Variants in UTRN observed in about 807,000 individuals in gnomAD.
The protein encoded by UTRN is utrophin.
Under a neutral mutation model 463.9 loss-of-function variants are expected in UTRN, and 283 were observed. That is an observed-to-expected ratio of 0.61 (90% CI 0.55 to 0.67). UTRN has a LOEUF of 0.67. Ranked by LOEUF, UTRN falls within the 30% of genes least tolerant of loss-of-function variation. The pLI, the probability that UTRN is intolerant of heterozygous loss-of-function variation, is 0.00. For synonymous variants in UTRN, 1,442 were observed against 1,431.5 expected (o/e 1.01, Z -0.17); for missense variants, 3,922 against 4,084.3 (o/e 0.96, Z 1.08).
intron 51 of UTRN, among the ~76,000 whole-genome samples, chr6:144,600,841 A>G (rs13191597): frequency 0.16 from 23,882 of 152,150 alleles, 2,106 homozygotes; most frequent in South Asian, 0.28. Context: ...TCAGTGCTTA[A>G]CTTCGAAGCT....
chr6:144,368,296 A>G (rs1324191102), intron 2 of UTRN, among the ~76,000 whole-genome samples: 3 of 152,204 alleles, frequency 2.0e-5, no homozygotes, highest in South Asian at 2.1e-4. Context: ...ACATATATCA[A>G]ACCAGAAAGA....
At chr6:144,566,993 A>C (rs1323317055) in intron 50 of UTRN, among the ~76,000 whole-genome samples, 1 of 152,030 alleles carries the variant, frequency 6.6e-6, no homozygotes, top group Non-Finnish European at 1.5e-5. Flanking sequence ...CAAAAAATAC[A>C]AAAATCAGCT....
At chr6:144,349,078 G>A (rs545804006) in intron 2 of UTRN, among the ~76,000 whole-genome samples, 1 of 152,060 alleles carries the variant, frequency 6.6e-6, no homozygotes, top group Non-Finnish European at 1.5e-5. Context: ...ATGGGATCTC[G>A]GCTCACTGCA....
At chr6:144,833,831 G>A (rs1024659341) in intron 69 of UTRN, among the ~76,000 whole-genome samples, 5 of 152,152 alleles carry the variant, frequency 3.3e-5, no homozygotes, top group Non-Finnish European at 7.3e-5. Context: ...AACACAGCTA[G>A]GTTTAGGGTG....
intron 51 of UTRN, among the ~76,000 whole-genome samples, chr6:144,663,397 G>A (rs139184870): frequency 1.5e-3 from 226 of 152,214 alleles, no homozygotes; most frequent in African/African-American, 5.1e-3. Context: ...TATTTGCCAC[G>A]CTGATTTTAA....
chr6:144,606,745 A>G (rs1804888796), intron 51 of UTRN, among the ~76,000 whole-genome samples: 1 of 152,238 alleles, frequency 6.6e-6, no homozygotes, highest in Non-Finnish European at 1.5e-5. Context: ...ACATTTTCCT[A>G]AAATCTCATT....
At chr6:144,635,828 C>T (rs557868165) in intron 51 of UTRN, among the ~76,000 whole-genome samples, 296 of 152,048 alleles carry the variant, frequency 1.9e-3, no homozygotes, top group African/African-American at 6.7e-3. Flanking sequence ...TGTGAGCCAT[C>T]GTGCCCAGCC....
At chr6:144,397,551 C>T (rs943340055) in intron 2 of UTRN, among the ~76,000 whole-genome samples, 3 of 152,070 alleles carry the variant, frequency 2.0e-5, no homozygotes, top group Admixed American at 6.6e-5. Flanking sequence ...ATTGTCTTAG[C>T]CTTATTTTGA....
intron 3 of UTRN, among the ~76,000 whole-genome samples, chr6:144,417,466 GAAAT>G (rs1295694923): frequency 6.6e-6 from 1 of 152,078 alleles, no homozygotes; most frequent in East Asian, 1.9e-4. Flanking sequence ...CTATTATAAG[GAAAT>G]AAATAATACA....
intron 51 of UTRN, among the ~76,000 whole-genome samples, chr6:144,654,215 A>G (rs1439673880): frequency 1.3e-5 from 2 of 152,238 alleles, no homozygotes; most frequent in Admixed American, 6.5e-5. Context: ...CAGAGAATGC[A>G]GAATGGGTTC....
intron 52 of UTRN, among the ~76,000 whole-genome samples, chr6:144,697,546 G>A (rs1440911305): frequency 6.6e-6 from 1 of 152,090 alleles, no homozygotes; most frequent in African/African-American, 2.4e-5. Flanking sequence ...TGAGCATATG[G>A]TAGTAATCCA....
Position 144,482,266 on chromosome 6 carries a change from A to T in UTRN, c.3565A>T (p.Ile1189Phe), listed in dbSNP as rs936888603. The T allele has an allele frequency of 1.6e-5, 26 of 1,608,392 alleles. No individual in the cohort carries two copies. The highest frequency in any genetic ancestry group is 3.3e-4 in the Middle Eastern group (2 of 6,064). Reference sequence around the variant, plus strand: ...GAGAGTGAAGATTCTCAAGGACAACATCAAGTTATTAGCTGCCAAGGTGCC... The same window carrying T: ...GAGAGTGAAGATTCTCAAGGACAACTTCAAGTTATTAGCTGCCAAGGTGCC... ...EVRVKILKDN[I>F]KLLAAKVPSG... is the part of the protein sequence containing the mutation. The change falls in exon 27 of 75, where the codon ATC (isoleucine) becomes TTC (phenylalanine). Residue 1189 changes from isoleucine (I) to phenylalanine (F), a missense_variant. By Grantham distance (21) the Ile-to-Phe change is conservative (BLOSUM62 0). Coordinates refer to ENST00000367545, the MANE Select transcript of UTRN (RefSeq NM_007124.3).
intron 4 of UTRN, among the ~76,000 whole-genome samples, chr6:144,422,995 G>A (rs1230433068): frequency 6.6e-6 from 1 of 152,200 alleles, no homozygotes; most frequent in Admixed American, 6.5e-5. Context: ...TCTTTCCCCA[G>A]ATGGGAATTC....
chr6:144,292,411 T>C (rs1804323635), intron 2 of UTRN, among the ~76,000 whole-genome samples: 1 of 152,204 alleles, frequency 6.6e-6, no homozygotes, highest in Non-Finnish European at 1.5e-5. Flanking sequence ...GGTAATCTAA[T>C]AAACCAGACT....
At chr6:144,637,028 A>G (rs115675432) in intron 51 of UTRN, among the ~76,000 whole-genome samples, 3,635 of 152,218 alleles carry the variant, frequency 0.024, 137 homozygotes, top group African/African-American at 0.075. Context: ...AAGTGCAGTG[A>G]TGTGATCTTG....
intron 2 of UTRN, among the ~76,000 whole-genome samples, chr6:144,341,530 A>G (rs1777139097): frequency 6.6e-6 from 1 of 152,176 alleles, no homozygotes; most frequent in African/African-American, 2.4e-5. Flanking sequence ...GGAAGGAGAA[A>G]TTGTTGCTAG....
At chr6:144,726,176 C>G (rs1280351480) in intron 53 of UTRN, among the ~76,000 whole-genome samples, 1 of 152,100 alleles carries the variant, frequency 6.6e-6, no homozygotes, top group Non-Finnish European at 1.5e-5. Context: ...GACAATACCC[C>G]CCAACTTGTC....
chr6:144,710,531 A>G (rs1048409690), intron 53 of UTRN, among the ~76,000 whole-genome samples: 2 of 150,776 alleles, frequency 1.3e-5, no homozygotes, highest in Admixed American at 1.4e-4. Context: ...TCCTTAATTA[A>G]ATGTGCGTAC....
chr6:144,819,449 C>T (rs1278145647), intron 65 of UTRN, among the ~76,000 whole-genome samples: 1 of 151,992 alleles, frequency 6.6e-6, no homozygotes, highest in East Asian at 1.9e-4. Context: ...AATCCCAGCA[C>T]TTTGGGAATC....
Sources: gnomAD v4.1 joint callset for allele counts (sites outside exome capture counted in the v4.1 genomes callset) on GRCh38, gnomAD v4.1.1 for gene constraint, MANE v1.5 for transcripts, NCBI Gene and HGNC (gene_info 2026-07-23, HGNC 2026-07-21) for gene names.